Variants in COL4A4 observed in about 807,000 individuals in gnomAD.
COL4A4 encodes the protein collagen type IV alpha 4 chain, also known as collagen alpha-4(IV) chain.
In COL4A4, 105 loss-of-function variants were observed where a neutral mutation model predicts 192.9. That is an observed-to-expected ratio of 0.54 (90% CI 0.46 to 0.64). The LOEUF is 0.64. Among genes scored for constraint, COL4A4 ranks in the 30% least tolerant of loss-of-function variants. The probability of loss-of-function intolerance (pLI) is 0.00; values close to 1 mark genes in which losing one functional copy is unlikely to be tolerated. For missense variants in COL4A4, 1,967 were observed against 2,169.3 expected (o/e 0.91, Z 1.85); for synonymous variants, 762 against 769.9 (o/e 0.99, Z 0.17).
intron 37 of COL4A4, among the ~76,000 whole-genome samples, chr2:227,039,797 C>T (rs1007887533): frequency 6.6e-6 from 1 of 152,136 alleles, no homozygotes; most frequent in Non-Finnish European, 1.5e-5. Context: ...AGGAAATGGC[C>T]ACAATCACCA....
intron 44 of COL4A4, among the ~76,000 whole-genome samples, chr2:227,019,703 T>C (rs990084912): frequency 1.3e-5 from 2 of 152,258 alleles, no homozygotes; most frequent in South Asian, 4.1e-4. Context: ...GTTTCACTCT[T>C]GTTGCCCAGG....
In COL4A4 at chr2:227,102,835, A is replaced by G. The variant is rs770226190; in HGVS notation, c.884T>C (p.Ile295Thr). 22 of 1,613,190 alleles carry G rather than the reference A, an allele frequency of 1.4e-5. 1 individual carries two copies. Among genetic ancestry groups the G allele is most frequent in the Non-Finnish European group, 1.8e-5 (21 of 1,179,468 alleles). Reference protein sequence around the residue: ...GPPGRKGESGIGAKGEKGIPG... With the variant: ...GPPGRKGESGTGAKGEKGIPG... ...AATACCTTTTTCTCCTTTTGCCCCA[A>G]TACCAGATTCTCCCTTTAAGAGATG... Residue 295 changes from isoleucine to threonine, a missense_variant, in exon 15 of 48, where the codon ATT (isoleucine) becomes ACT (threonine). Coordinates refer to ENST00000396625, the MANE Select transcript of COL4A4 (RefSeq NM_000092.5).
chr2:227,086,866 C>T (rs542043250), intron 22 of COL4A4, among the ~76,000 whole-genome samples: 3 of 152,356 alleles, frequency 2.0e-5, no homozygotes, highest in African/African-American at 7.2e-5. Context: ...TATGCACATA[C>T]ATGCATTAAG....
intron 19 of COL4A4, among the ~76,000 whole-genome samples, chr2:227,096,112 G>A (rs562115714): frequency 6.6e-6 from 1 of 152,276 alleles, no homozygotes; most frequent in Non-Finnish European, 1.5e-5. Context: ...CCCTCTGAAT[G>A]AGGCCATTAG....
At chr2:227,132,469 G>A (rs566032934) in intron 4 of COL4A4, among the ~76,000 whole-genome samples, 4 of 152,156 alleles carry the variant, frequency 2.6e-5, no homozygotes, top group African/African-American at 7.2e-5. Flanking sequence ...ATTATTATTC[G>A]TTGCCATTAA....
intron 37 of COL4A4, among the ~76,000 whole-genome samples, chr2:227,041,365 G>A (rs956043777): frequency 1.3e-5 from 2 of 151,876 alleles, no homozygotes; most frequent in Non-Finnish European, 2.9e-5. Flanking sequence ...GAAATAAGAT[G>A]GTAGCAACCG....
rs1252716580 is a variant in COL4A4 at position 227,110,927 on chromosome 2, G to C, written c.594+751C>G. On this transcript the variant is annotated intron_variant, in intron 9 of 47. Coordinates refer to ENST00000396625, the MANE Select transcript of COL4A4 (RefSeq NM_000092.5). ...AAACTCCTGACCTCGTGATCCACCT[G>C]CCTTGGCCTCCCAAAGTGCTGGGAT... is the stretch of plus-strand genomic sequence containing the variant. Among the ~76,000 whole-genome samples the C allele has an allele frequency of 2.0e-5, 3 of 152,082 alleles. No individual in the cohort carries two copies. The East Asian group carries it at 5.8e-4, about 29-fold the overall frequency.
chr2:227,039,620 T>C (rs1338546393), intron 37 of COL4A4, among the ~76,000 whole-genome samples: 4 of 152,182 alleles, frequency 2.6e-5, no homozygotes, highest in African/African-American at 9.7e-5. Flanking sequence ...CACTTAAAAA[T>C]CCTTGCTGTG....
In COL4A4 at chr2:227,101,219, G is replaced by A. The variant is rs1025448873; in HGVS notation, c.1029+285C>T. Among the ~76,000 whole-genome samples, 44 of 152,094 alleles carry A rather than the reference G, an allele frequency of 2.9e-4. 2 individuals carry two copies. The highest frequency in any genetic ancestry group is 1.2e-3 in the Admixed American group (19 of 15,268). On this transcript the variant is annotated intron_variant, in intron 17 of 47. Coordinates refer to ENST00000396625, the MANE Select transcript of COL4A4 (RefSeq NM_000092.5). ...TTGCCTGCTGCCATCCATGTAAGAC[G>A]TGACTTGCTCCTTCTTGCCTTCTGC...
At chr2:227,084,735 G>A (rs1453212366) in intron 22 of COL4A4, among the ~76,000 whole-genome samples, 5 of 152,146 alleles carry the variant, frequency 3.3e-5, no homozygotes, top group Admixed American at 6.5e-5. Flanking sequence ...CTGGGGCAAA[G>A]GTTCTCAGCA....
the COL4A4 span, among the ~76,000 whole-genome samples, chr2:226,976,944 T>C: frequency 2.0e-4 from 31 of 152,326 alleles, no homozygotes; most frequent in East Asian, 3.3e-3. Context: ...ATCTATTTCT[T>C]AGAGGCCCCA....
intron 43 of COL4A4, among the ~76,000 whole-genome samples, chr2:227,025,305 T>C (rs538296027): frequency 5.8e-4 from 89 of 152,352 alleles, no homozygotes; most frequent in African/African-American, 2.0e-3. Context: ...CTGCAGAGCA[T>C]TAAGTGAACA....
chr2:227,025,047 G>T (rs976854600), intron 43 of COL4A4, among the ~76,000 whole-genome samples: 1 of 152,060 alleles, frequency 6.6e-6, no homozygotes, highest in Non-Finnish European at 1.5e-5. Flanking sequence ...TTACATTTTT[G>T]ATTTTGCTTT....
intron 19 of COL4A4, among the ~76,000 whole-genome samples, chr2:227,096,769 C>T (rs765440838): frequency 6.6e-6 from 1 of 152,100 alleles, no homozygotes; most frequent in Non-Finnish European, 1.5e-5. Context: ...GTTCATAGTG[C>T]AAATGCATTA....
chr2:227,161,944 AAAAAG>A (rs1434310134), intron 1 of COL4A4, among the ~76,000 whole-genome samples: 2 of 152,206 alleles, frequency 1.3e-5, no homozygotes, highest in African/African-American at 4.8e-5. Context: ...ACAAAAAAAA[AAAAAG>A]AATCAAATTT....
chr2:227,048,032 G>T (rs1973264511), intron 34 of COL4A4, among the ~76,000 whole-genome samples: 1 of 152,094 alleles, frequency 6.6e-6, no homozygotes, highest in South Asian at 2.1e-4. Context: ...ACAAGAGATG[G>T]CACATTCAAA....
chr2:227,088,159 AT>A (rs1264877036), intron 22 of COL4A4, among the ~76,000 whole-genome samples: 4 of 152,264 alleles, frequency 2.6e-5, no homozygotes, highest in Non-Finnish European at 5.9e-5. Context: ...AGGCATTAGC[AT>A]AATGTTTGTA....
intron 4 of COL4A4, among the ~76,000 whole-genome samples, chr2:227,128,589 C>T (rs1463202358): frequency 1.3e-5 from 2 of 152,104 alleles, no homozygotes; most frequent in South Asian, 2.1e-4. Flanking sequence ...CATCTAAGCT[C>T]GCCATCCAGC....
At position 227,114,660 on chromosome 2, in the gene COL4A4, C is replaced by T. The variant is rs745619587; in HGVS notation, c.526G>A (p.Val176Met). 1 of 1,613,908 alleles carries T rather than the reference C, an allele frequency of 6.2e-7. No individual in the cohort carries two copies. Among genetic ancestry groups the T allele is most frequent in the Non-Finnish European group, 8.5e-7 (1 of 1,179,924 alleles). ...CCTTTAACGGCACCTAAAATGAACA[C>T]TGAATTTCCTTTTTCTCCCTTTTCC... ...PGEKGEKGNS[V>M]FILGAVKGIQ... The change falls in exon 8 of 48, where the codon GTG becomes ATG. Residue 176 changes from valine to methionine, a missense_variant. Transcript: ENST00000396625.
Sources: gnomAD v4.1 joint callset for allele counts (sites outside exome capture counted in the v4.1 genomes callset) on GRCh38, gnomAD v4.1.1 for gene constraint, MANE v1.5 for transcripts, NCBI Gene and HGNC (gene_info 2026-07-23, HGNC 2026-07-21) for gene names.